OR2L13: variants seen among roughly 807,000 people sequenced by gnomAD.
OR2L13 encodes olfactory receptor 2L13.
OR2L13 carries 14 observed loss-of-function variants against 15.3 expected under a neutral mutation model. The observed-to-expected ratio is 0.91, with a 90% CI of 0.60 to 1.43. OR2L13 has a LOEUF of 1.43. OR2L13 is among the 40% of genes most tolerant of loss of function. The probability of loss-of-function intolerance (pLI) is 0.00; values close to 1 mark genes in which losing one functional copy is unlikely to be tolerated. For synonymous variants in OR2L13, 152 were observed against 142.9 expected, an observed-to-expected ratio of 1.06 and a Z score of -0.45; for missense variants, 367 against 387.9, an observed-to-expected ratio of 0.95 and a Z score of 0.45.
chr1:248,039,041 T>C, the OR2L13 span: 1 of 1,614,126 alleles, frequency 6.2e-7, no homozygotes, highest in Non-Finnish European at 8.5e-7. Flanking sequence ...CTTATACCTA[T>C]GTACGTCCAA....
chr1:248,081,600 G>A, the OR2L13 span, among the ~76,000 whole-genome samples: 1 of 152,126 alleles, frequency 6.6e-6, no homozygotes, highest in Admixed American at 6.6e-5. Flanking sequence ...TTCATTCTAA[G>A]AGAAGATTTT....
At chr1:247,953,170 T>C in the OR2L13 span, among the ~76,000 whole-genome samples, 1 of 152,234 alleles carries the variant, frequency 6.6e-6, no homozygotes, top group Admixed American at 6.5e-5. Flanking sequence ...TTTTGAAAGT[T>C]GGACGATAAT....
At chr1:248,080,481 T>C in the OR2L13 span, among the ~76,000 whole-genome samples, 1 of 152,192 alleles carries the variant, frequency 6.6e-6, no homozygotes, top group East Asian at 1.9e-4. Flanking sequence ...CATGTGTCCA[T>C]GTGTCCTCAT....
the OR2L13 span, among the ~76,000 whole-genome samples, chr1:247,987,294 T>C: frequency 6.6e-6 from 1 of 152,222 alleles, no homozygotes; most frequent in African/African-American, 2.4e-5. Context: ...GCTTTCTACA[T>C]ATATAGTTAT....
At chr1:248,083,839 C>T in the OR2L13 span, 28 of 1,612,948 alleles carry the variant, frequency 1.7e-5, no homozygotes, top group South Asian at 2.4e-4. Flanking sequence ...GTAAAAATGG[C>T]AGCTCCATAA....
At chr1:248,094,017 T>C (rs1445356233), upstream of OR2L13, among the ~76,000 whole-genome samples, 1 of 152,152 alleles carries the variant, frequency 6.6e-6, no homozygotes, top group Non-Finnish European at 1.5e-5. Context: ...ACAGGATGAC[T>C]ATAGTTAACA....
chr1:248,079,410 A>T, the OR2L13 span, among the ~76,000 whole-genome samples: 7 of 152,216 alleles, frequency 4.6e-5, no homozygotes, highest in African/African-American at 1.7e-4. Flanking sequence ...ATCTGAATTT[A>T]AAAATTTCAG....
the OR2L13 span, among the ~76,000 whole-genome samples, chr1:248,054,241 C>T: frequency 6.6e-6 from 1 of 152,172 alleles, no homozygotes; most frequent in Admixed American, 6.5e-5. Flanking sequence ...TTGTTTTTTT[C>T]CAGTTTGTTG....
chr1:248,079,928 G>T, the OR2L13 span, among the ~76,000 whole-genome samples: 1 of 152,160 alleles, frequency 6.6e-6, no homozygotes, highest in East Asian at 1.9e-4. Flanking sequence ...GAATAAAGAT[G>T]CAAGCCACAC....
the OR2L13 span, chr1:248,022,296 A>G: frequency 1.9e-6 from 3 of 1,613,980 alleles, no homozygotes; most frequent in Non-Finnish European, 2.5e-6. Flanking sequence ...CCTGACATCA[A>G]TGGCCTATGA....
the OR2L13 span, among the ~76,000 whole-genome samples, chr1:248,072,651 T>A: frequency 1.3e-5 from 2 of 151,992 alleles, no homozygotes; most frequent in Non-Finnish European, 2.9e-5. Flanking sequence ...CTAAAGAGCT[T>A]CTGCACAGCA....
the OR2L13 span, among the ~76,000 whole-genome samples, chr1:248,020,552 A>G: frequency 1.3e-5 from 2 of 152,160 alleles, no homozygotes; most frequent in Admixed American, 1.3e-4. Flanking sequence ...TCAGATATCT[A>G]TATCTGGGGT....
At chr1:248,068,178 A>T in the OR2L13 span, among the ~76,000 whole-genome samples, 2 of 152,104 alleles carry the variant, frequency 1.3e-5, no homozygotes, top group South Asian at 2.1e-4. Context: ...GATCTGAGAA[A>T]GGGCAGACTG....
At chr1:247,965,833 T>A in the OR2L13 span, 1 of 1,613,292 alleles carries the variant, frequency 6.2e-7, no homozygotes, top group Non-Finnish European at 8.5e-7. Flanking sequence ...GGCCAGTGGT[T>A]CTATCAATGC....
intron 1 of OR2L13, among the ~76,000 whole-genome samples, chr1:248,097,908 T>A (rs1363341193): frequency 2.0e-5 from 3 of 152,224 alleles, no homozygotes; most frequent in Admixed American, 1.3e-4. Context: ...ACCTGATGAA[T>A]CATTCTATCC....
the OR2L13 span, among the ~76,000 whole-genome samples, chr1:248,085,840 G>A: frequency 6.6e-6 from 1 of 152,136 alleles, no homozygotes; most frequent in Non-Finnish European, 1.5e-5. Flanking sequence ...TAAGGAGCAT[G>A]CGATCTAGAT....
the OR2L13 span, among the ~76,000 whole-genome samples, chr1:248,044,407 A>C: frequency 2.6e-5 from 4 of 152,208 alleles, no homozygotes; most frequent in Admixed American, 2.6e-4. Flanking sequence ...GACTCAGTGC[A>C]GGATGCAGCG....
the OR2L13 span, among the ~76,000 whole-genome samples, chr1:247,994,129 G>A: frequency 6.6e-6 from 1 of 152,202 alleles, no homozygotes; most frequent in African/African-American, 2.4e-5. Context: ...GGGCACGGTA[G>A]CTCAAGCCTG....
the OR2L13 span, chr1:248,022,070 C>T: frequency 1.1e-5 from 18 of 1,613,818 alleles, no homozygotes; most frequent in African/African-American, 6.7e-5. Context: ...TAATTGGAAA[C>T]CTATCCATGA....
Sources: allele counts gnomAD v4.1 joint callset (sites outside exome capture counted in the v4.1 genomes callset), GRCh38; gene constraint gnomAD v4.1.1; transcripts MANE v1.5; gene names NCBI Gene and HGNC (gene_info 2026-07-23, HGNC 2026-07-21).